ABHD6: variants seen among roughly 807,000 people sequenced by gnomAD.
ABHD6 encodes abhydrolase domain containing 6, acylglycerol lipase, also known as monoacylglycerol lipase ABHD6.
Under a neutral mutation model 38.8 loss-of-function variants are expected in ABHD6, and 33 were observed. The observed-to-expected ratio is 0.85, with a 90% CI of 0.64 to 1.14. ABHD6 has a LOEUF of 1.14. Among genes scored for constraint, ABHD6 ranks in the 50% most tolerant of loss-of-function variants. The pLI is 0.00. For synonymous variants in ABHD6, 147 were observed against 161.6 expected (o/e 0.91, Z 0.69); for missense variants, 380 against 422.6 (o/e 0.90, Z 0.88).
intron 9 of ABHD6, among the ~76,000 whole-genome samples, chr3:58,291,703 G>A (rs978763541): frequency 1.1e-4 from 17 of 152,198 alleles, no homozygotes; most frequent in Admixed American, 2.6e-4. Context: ...GATTTGTAAC[G>A]CTAACCAGCA....
Position 58,294,099 on chromosome 3 carries a change from T to G in ABHD6, c.*334T>G. Reference sequence around the variant, plus strand: ...ATAATTAAATCAAGGACATTTTCTTTGAGACATTCCTTATAGTTGGAGACT... The same window carrying G: ...ATAATTAAATCAAGGACATTTTCTTGGAGACATTCCTTATAGTTGGAGACT... On this transcript the variant is annotated 3_prime_UTR_variant, in exon 10 of 10. Coordinates refer to ENST00000478253, the MANE Select transcript of ABHD6 (RefSeq NM_001320126.2). 4.8e-6 allele frequency: 1 copy of G among 206,296 alleles called. No homozygotes were observed. 12.8% of individuals were successfully genotyped at this position (206,296 alleles called of 1,614,324 possible). A position where few individuals can be genotyped will look rare whatever the true frequency, so the allele number is the denominator to read the frequency against.
chr3:58,265,422 C>T lies in ABHD6; in HGVS notation c.120-1767C>T, dbSNP rs1407049087. On this transcript the variant is annotated intron_variant, in intron 3 of 9. Transcript: ENST00000478253. The surrounding 1 kb of genome is among the most constrained non-coding windows in gnomAD (Gnocchi z 4.2). Reference sequence around the variant, plus strand: ...GTCATATTCATTGCAAATATTTCCCCTAATTTTTCCTTTTAATTTTTGGCA... The same window carrying T: ...GTCATATTCATTGCAAATATTTCCCTTAATTTTTCCTTTTAATTTTTGGCA... 6.6e-6 allele frequency among the ~76,000 whole-genome samples: 1 copy of T among 152,064 alleles called. No homozygotes were observed. The highest frequency in any genetic ancestry group is 1.9e-4 in the East Asian group (1 of 5,194).
At chr3:58,276,366 G>C (rs2097448729) in intron 7 of ABHD6, among the ~76,000 whole-genome samples, 1 of 152,210 alleles carries the variant, frequency 6.6e-6, no homozygotes, top group Admixed American at 6.5e-5. Context: ...CTGATGACCA[G>C]TGATGATGAG....
At chr3:58,289,852 G>A (rs2097460386) in intron 9 of ABHD6, among the ~76,000 whole-genome samples, 1 of 134,310 alleles carries the variant, frequency 7.4e-6, no homozygotes, top group Non-Finnish European at 1.6e-5. Context: ...AGGGCGGCTG[G>A]CCGGGTAGGG....
chr3:58,292,080 G>A (rs937732002), intron 9 of ABHD6, among the ~76,000 whole-genome samples: 3 of 152,222 alleles, frequency 2.0e-5, no homozygotes, highest in South Asian at 2.1e-4. Context: ...GTGGGTTGCC[G>A]TGGCAGCCTT....
At chr3:58,290,818 G>T (rs1026612193) in intron 9 of ABHD6, among the ~76,000 whole-genome samples, 1 of 150,614 alleles carries the variant, frequency 6.6e-6, no homozygotes, top group Non-Finnish European at 1.5e-5. Context: ...TCCTAGATGG[G>T]ATGGCGGCCG....
intron 1 of ABHD6, among the ~76,000 whole-genome samples, chr3:58,243,073 A>G (rs955367828): frequency 2.6e-5 from 4 of 152,164 alleles, no homozygotes; most frequent in African/African-American, 7.2e-5. Context: ...ATGGCTGCAT[A>G]GTATTCCATG....
chr3:58,277,739 T>C (rs575198740), intron 7 of ABHD6, among the ~76,000 whole-genome samples: 10 of 152,308 alleles, frequency 6.6e-5, no homozygotes, highest in African/African-American at 2.4e-4. Flanking sequence ...TGATATTGGC[T>C]GTGGGTTTGT....
chr3:58,246,793 C>T (rs58666754), intron 1 of ABHD6, among the ~76,000 whole-genome samples: 4,505 of 152,274 alleles, frequency 0.03, 239 homozygotes, highest in African/African-American at 0.1. Flanking sequence ...ATTTAAATTC[C>T]TATCTTCTAC....
intron 1 of ABHD6, among the ~76,000 whole-genome samples, chr3:58,242,820 C>T (rs373984515): frequency 2.0e-5 from 3 of 152,172 alleles, no homozygotes; most frequent in African/African-American, 7.2e-5. Flanking sequence ...TTGCTGCACC[C>T]GTTAACTCGT....
rs2097441160 is a variant in ABHD6 at position 58,266,561 on chromosome 3, A to G, written c.120-628A>G. On this transcript the variant is annotated intron_variant, in intron 3 of 9. Transcript: ENST00000478253. The surrounding 1 kb of genome is among the most constrained non-coding windows in gnomAD (Gnocchi z 4.0). ...CTCCCTCTCTGCTTATTTTACACAA[A>G]GAGTTAAGACCAGTCAGTTTAGGTT... Among the ~76,000 whole-genome samples the G allele has an allele frequency of 6.6e-6, 1 of 152,166 alleles. No individual in the cohort carries two copies.
rs373924293 is a variant in ABHD6 at position 58,289,332 on chromosome 3, TAAAC to T, written c.837+3882_837+3885del. Among the ~76,000 whole-genome samples the T allele has an allele frequency of 2.1e-4, 32 of 151,940 alleles. No individual in the cohort carries two copies. In the East Asian group the frequency reaches 5.8e-3, roughly 27 times the overall value. On this transcript the variant is annotated intron_variant, in intron 9 of 9. Transcript: ENST00000478253. ...CAATAGTGGAGGGAAGGTCACCAGATAAACAAGTGAACAAAGGTCTCTGGTTTTC... is the reference window on the plus strand; with the variant it reads ...CAATAGTGGAGGGAAGGTCACCAGATAAGTGAACAAAGGTCTCTGGTTTTC...
chr3:58,239,820 A>T (rs919593335), intron 1 of ABHD6, among the ~76,000 whole-genome samples: 4 of 150,998 alleles, frequency 2.6e-5, no homozygotes, highest in African/African-American at 9.7e-5. Context: ...AGACTCAAAG[A>T]TTATCTTTGG....
At chr3:58,290,004 C>A (rs2097460718) in intron 9 of ABHD6, among the ~76,000 whole-genome samples, 1 of 142,298 alleles carries the variant, frequency 7.0e-6, no homozygotes, top group Non-Finnish European at 1.5e-5. Flanking sequence ...GACCCCCCCA[C>A]CTCCCTCCCG....
intron 3 of ABHD6, among the ~76,000 whole-genome samples, chr3:58,264,430 C>CAT (rs1559776247): frequency 3.0e-5 from 3 of 99,628 alleles, no homozygotes; most frequent in African/African-American, 2.0e-4. Context: ...CACACACACA[C>CAT]ACACACACAC....
chr3:58,290,265 C>A (rs1449466294), intron 9 of ABHD6, among the ~76,000 whole-genome samples: 3 of 114,500 alleles, frequency 2.6e-5, no homozygotes, highest in African/African-American at 3.4e-5. Flanking sequence ...CCCCTCACCT[C>A]CCAGACGGGG....
intron 1 of ABHD6, among the ~76,000 whole-genome samples, chr3:58,247,261 C>T (rs942070806): frequency 1.3e-5 from 2 of 152,092 alleles, no homozygotes; most frequent in African/African-American, 4.8e-5. Flanking sequence ...GCTTCAGCCT[C>T]CCAAGGTGCT....
At chr3:58,252,226 C>CTTTTTTT (rs1238327583) in intron 2 of ABHD6, among the ~76,000 whole-genome samples, 3 of 71,258 alleles carry the variant, frequency 4.2e-5, no homozygotes, top group Non-Finnish European at 7.3e-5. Context: ...AAATTGACTG[C>CTTTTTTT]TTGTTTTTTT....
rs3038091 is a variant in ABHD6 at position 58,271,766 on chromosome 3, G to GTTTTTTTTTTTTTTTTT, written c.523+710_523+726dup. Among the ~76,000 whole-genome samples, 22 of 63,632 alleles carry GTTTTTTTTTTTTTTTTT rather than the reference G, an allele frequency of 3.5e-4. 2 individuals carry two copies. The highest frequency in any genetic ancestry group is 1.4e-3 in the African/African-American group (20 of 14,014). 41.7% of individuals were successfully genotyped at this position (63,632 alleles called of 152,430 possible). On this transcript the variant is annotated intron_variant, in intron 6 of 9. Transcript: ENST00000478253. ...CTCTCCTCTATCTCCCCCTCTCTCT[G>GTTTTTTTTTTTTTTTTT]TTTTTTTTTTTTTTTTTTTTTTTTG...
Sources: allele counts gnomAD v4.1 joint callset (sites outside exome capture counted in the v4.1 genomes callset), GRCh38; gene constraint gnomAD v4.1.1; non-coding constraint Gnocchi (gnomAD v3.1); transcripts MANE v1.5; gene names NCBI Gene and HGNC (gene_info 2026-07-23, HGNC 2026-07-21).